MYO1D: variants seen among roughly 807,000 people sequenced by gnomAD.
The protein encoded by MYO1D is myosin ID, also known as unconventional myosin-Id.
A neutral mutation model predicts 122.0 loss-of-function variants in MYO1D; 83 were observed. The observed-to-expected ratio is 0.68, with a 90% CI of 0.57 to 0.82. The LOEUF is 0.82. Ranked by LOEUF, MYO1D falls within the 40% of genes least tolerant of loss-of-function variation. The probability of loss-of-function intolerance (pLI) is 0.00; values close to 1 mark genes in which losing one functional copy is unlikely to be tolerated. For synonymous variants in MYO1D, 464 were observed against 446.9 expected, an observed-to-expected ratio of 1.04 and a Z score of -0.48; for missense variants, 1,157 against 1,269.5, an observed-to-expected ratio of 0.91 and a Z score of 1.35.
rs2089505715 is a variant in MYO1D at position 32,721,144 on chromosome 17, G to A, written c.1792C>T (p.Pro598Ser). The stretch of plus-strand genomic sequence containing the variant: ...CAGCGTTCATCATCAAATATCTGTG[G>A]AGATTTCTTGTCATTGGGTTTGATG... ...RCIKPNDKKS[P>S]QIFDDERCRH... Residue 598 changes from proline to serine, a missense_variant, in exon 15 of 22, where the codon CCA becomes TCA. Pro to Ser is a moderately conservative substitution (Grantham distance 74, BLOSUM62 -1). Transcript: ENST00000318217. 1 of 1,614,030 alleles carries A rather than the reference G, an allele frequency of 6.2e-7. No individual in the cohort carries two copies. Among genetic ancestry groups the A allele is most frequent in the African/African-American group, 1.3e-5 (1 of 75,032 alleles).
rs1247819810 is a variant in MYO1D, at chr17:32,563,317, CT to C, written c.2864+41769del. On this transcript the variant is annotated intron_variant, in intron 21 of 21. Transcript: ENST00000318217. Reference sequence around the variant, plus strand: ...CTCCGTCTCCCGGGTTCCAGCGATTCTTTTGCCTCAGCCTCCTGAGTAGCTG... The same window carrying C: ...CTCCGTCTCCCGGGTTCCAGCGATTCTTTGCCTCAGCCTCCTGAGTAGCTG... 7.6e-5 allele frequency among the ~76,000 whole-genome samples: 11 copies of C among 145,262 alleles called. No individual in the cohort carries two copies. The Admixed American group carries it at 8.0e-4, about 11-fold the overall frequency.
intron 8 of MYO1D, 59 bp from the exon 9 acceptor site, chr17:32,760,686 AT>A: frequency 6.5e-7 from 1 of 1,528,474 alleles, no homozygotes; most frequent in Admixed American, 1.9e-5. Flanking sequence ...CTCTGTTTGG[AT>A]TTGTGATCAG....
rs1376816298 is a variant in MYO1D at position 32,559,239 on chromosome 17, A to T, written c.2864+45848T>A. On this transcript the variant is annotated intron_variant, in intron 21 of 21. Transcript: ENST00000318217. ...GTAATCCATATACAATAGGGATCTC[A>T]ACTGTTTTCTGAAGCGCAATTTATT... 3.9e-5 allele frequency among the ~76,000 whole-genome samples: 6 copies of T among 152,326 alleles called. No individual in the cohort carries two copies. In the East Asian group the frequency reaches 1.2e-3, roughly 29 times the overall value.
intron 1 of MYO1D, among the ~76,000 whole-genome samples, chr17:32,804,488 T>C (rs2090491923): frequency 6.6e-6 from 1 of 152,176 alleles, no homozygotes; most frequent in Non-Finnish European, 1.5e-5. Flanking sequence ...AGACCCACCA[T>C]CTCCATAAGG....
At chr17:32,551,315 A>C (rs1016711535) in intron 21 of MYO1D, among the ~76,000 whole-genome samples, 5 of 152,228 alleles carry the variant, frequency 3.3e-5, no homozygotes, top group Admixed American at 3.3e-4. Context: ...CTTATGCAGA[A>C]TATATTAAGA....
chr17:32,756,217 T>G (rs997451758), intron 10 of MYO1D: 1 of 227,840 alleles, frequency 4.4e-6, no homozygotes, highest in Non-Finnish European at 8.7e-6. Flanking sequence ...CTTTAAATAC[T>G]GTTAATGTGT....
intron 21 of MYO1D, among the ~76,000 whole-genome samples, chr17:32,513,463 T>C (rs1219070222): frequency 6.6e-6 from 1 of 152,108 alleles, no homozygotes. Context: ...TTTTGGACAG[T>C]GTTGAGTTTG....
At chr17:32,823,742 A>G (rs1401584086) in intron 1 of MYO1D, among the ~76,000 whole-genome samples, 1 of 152,230 alleles carries the variant, frequency 6.6e-6, no homozygotes, top group African/African-American at 2.4e-5. Flanking sequence ...AAGCCAGGCA[A>G]CACAAACACT....
At chr17:32,526,251 T>C (rs56394403) in intron 21 of MYO1D, among the ~76,000 whole-genome samples, 12,032 of 152,278 alleles carry the variant, frequency 0.079, 515 homozygotes, top group Middle Eastern at 0.13. Flanking sequence ...CAGCACATAA[T>C]AGCTCCTCTG....
chr17:32,685,506 G>T (rs913131144), intron 16 of MYO1D, among the ~76,000 whole-genome samples: 1 of 152,150 alleles, frequency 6.6e-6, no homozygotes, highest in Non-Finnish European at 1.5e-5. Flanking sequence ...TAACTCCATG[G>T]AATCCACTGT....
intron 21 of MYO1D, among the ~76,000 whole-genome samples, chr17:32,562,570 C>T (rs552746758): frequency 3.3e-5 from 5 of 152,036 alleles, no homozygotes; most frequent in Admixed American, 3.3e-4. Flanking sequence ...GCAGCCTTGA[C>T]CTCCTGGGCT....
intron 1 of MYO1D, among the ~76,000 whole-genome samples, chr17:32,858,420 C>T (rs1048048683): frequency 2.0e-5 from 3 of 152,130 alleles, no homozygotes; most frequent in African/African-American, 7.2e-5. Context: ...TCTTGTTATT[C>T]TCGTTGCTTC....
rs1159369483 is a variant in MYO1D at position 32,720,999 on chromosome 17, CCTCT to C, written c.1913+20_1913+23del. 1.2e-6 allele frequency: 2 copies of C among 1,603,986 alleles called. No homozygotes were observed. Among genetic ancestry groups the C allele is most frequent in the African/African-American group, 2.7e-5 (2 of 74,608 alleles). On this transcript the variant is annotated intron_variant, in intron 15 of 21. Transcript: ENST00000318217. ...ACTCCCTTATTCTCAGTGAACTAGG[CCTCT>C]CTGACGAGTCTATTCTCACCTGTGA...
chr17:32,556,787 G>A (rs796543296), intron 21 of MYO1D, among the ~76,000 whole-genome samples: 22 of 152,260 alleles, frequency 1.4e-4, no homozygotes, highest in African/African-American at 5.3e-4. Flanking sequence ...TTAACATTAA[G>A]ACCATGGGAA....
rs1271749873 is a variant in MYO1D, at chr17:32,783,158, A to G, written c.96-2374T>C. Among the ~76,000 whole-genome samples the G allele has an allele frequency of 1.2e-4, 4 of 33,876 alleles. No individual in the cohort carries two copies. In the South Asian group the frequency reaches 3.8e-3, roughly 32 times the overall value. 22.2% of individuals were successfully genotyped at this position (33,876 alleles called of 152,430 possible). On this transcript the variant is annotated intron_variant, in intron 1 of 21. Transcript: ENST00000318217. ...AGTTTTGAATAAGCACTGTCCAAAC[A>G]AAAAAAAAAAATGAAGAAAAGCAGC... is the stretch of plus-strand genomic sequence containing the variant.
At chr17:32,528,344 G>A (rs1397315377) in intron 21 of MYO1D, among the ~76,000 whole-genome samples, 1 of 152,176 alleles carries the variant, frequency 6.6e-6, no homozygotes, top group Non-Finnish European at 1.5e-5. Context: ...AGGGTGAGAT[G>A]GGTAGGAAGT....
intron 21 of MYO1D, among the ~76,000 whole-genome samples, chr17:32,542,601 A>G (rs1426333728): frequency 6.9e-6 from 1 of 145,624 alleles, no homozygotes; most frequent in Admixed American, 7.0e-5. Flanking sequence ...CAAACCCTGT[A>G]GGAGGTAACG....
At chr17:32,760,439 T>C (rs1044239837) in intron 9 of MYO1D, 35 bp from the exon 10 acceptor site, 10 of 1,604,380 alleles carry the variant, frequency 6.2e-6, no homozygotes, top group Middle Eastern at 1.7e-4. Flanking sequence ...TTTCAACAAA[T>C]AGAAAACAGG....
At chr17:32,711,100 A>G (rs879508090) in intron 16 of MYO1D, among the ~76,000 whole-genome samples, 1 of 152,230 alleles carries the variant, frequency 6.6e-6, no homozygotes, top group Non-Finnish European at 1.5e-5. Context: ...GATTTTTCAT[A>G]TAGCTCTACA....
Sources: gnomAD v4.1 joint callset for allele counts (sites outside exome capture counted in the v4.1 genomes callset) on GRCh38, gnomAD v4.1.1 for gene constraint, MANE v1.5 for transcripts, NCBI Gene and HGNC (gene_info 2026-07-23, HGNC 2026-07-21) for gene names.